Variants in ANKRD27 observed in about 807,000 individuals in gnomAD.
The protein encoded by ANKRD27 is ankyrin repeat domain 27, also known as ankyrin repeat domain-containing protein 27.
A neutral mutation model predicts 129.7 loss-of-function variants in ANKRD27; 112 were observed. The observed-to-expected ratio is 0.86, with a 90% CI of 0.74 to 1.01. The LOEUF (loss-of-function observed/expected upper bound fraction) is 1.01, where lower values mean the gene tolerates loss of function less well. Ranked by LOEUF, ANKRD27 falls within the 50% of genes least tolerant of loss-of-function variation. ANKRD27 has a pLI of 0.00. For missense variants in ANKRD27, 1,258 were observed against 1,300.5 expected, an observed-to-expected ratio of 0.97 and a Z score of 0.50; for synonymous variants, 516 against 511.2, an observed-to-expected ratio of 1.01 and a Z score of -0.13.
chr19:32,605,816 G>A lies in ANKRD27; in HGVS notation c.2493+19C>T. On this transcript the variant is annotated intron_variant, in intron 24 of 28. Coordinates refer to ENST00000306065, the MANE Select transcript of ANKRD27 (RefSeq NM_032139.3). ...AACTGGCGCAGGTGTGTAGAATGAG[G>A]ACAGGAAGGGGCCCTCACCTGTAGC... 1 of 1,612,280 alleles carries A rather than the reference G, an allele frequency of 6.2e-7. No individual in the cohort carries two copies. The highest frequency in any genetic ancestry group is 2.2e-5 in the East Asian group (1 of 44,772).
At chr19:32,664,013 G>A (rs1479973990) in intron 1 of ANKRD27, among the ~76,000 whole-genome samples, 3 of 125,164 alleles carry the variant, frequency 2.4e-5, no homozygotes, top group East Asian at 2.4e-4. Context: ...CCGAGATCCC[G>A]CCACTGCACT....
chr19:32,615,991 T>C (rs1190719548), intron 21 of ANKRD27, among the ~76,000 whole-genome samples: 1 of 152,128 alleles, frequency 6.6e-6, no homozygotes, highest in Non-Finnish European at 1.5e-5. Flanking sequence ...TCTTCTATCA[T>C]AAAAAAGGAC....
intron 22 of ANKRD27, 40 bp from the exon 23 acceptor site, chr19:32,607,872 A>G (rs755347740): frequency 6.4e-7 from 1 of 1,563,256 alleles, no homozygotes; most frequent in Non-Finnish European, 8.7e-7. Context: ...CGTCATCAGT[A>G]TTGAAGAAAC....
rs200198013 is a variant in ANKRD27, at chr19:32,605,616, G to A, written c.2493+219C>T. On this transcript the variant is annotated intron_variant, in intron 24 of 28. Coordinates refer to ENST00000306065, the MANE Select transcript of ANKRD27 (RefSeq NM_032139.3). ...GACCCAAACCCTTGGCAAAAGCAGC[G>A]TCGGAGCCCTTGAGACCGCATCCCA... 8.5e-5 allele frequency among the ~76,000 whole-genome samples: 13 copies of A among 152,272 alleles called. No individual in the cohort carries two copies. In the East Asian group the frequency reaches 1.4e-3, roughly 16 times the overall value.
At chr19:32,649,042 C>G (rs1967359618) in intron 3 of ANKRD27, among the ~76,000 whole-genome samples, 1 of 149,044 alleles carries the variant, frequency 6.7e-6, no homozygotes, top group South Asian at 2.1e-4. Flanking sequence ...TCATGGCTTA[C>G]TGCAAGCTCA....
intron 1 of ANKRD27, among the ~76,000 whole-genome samples, chr19:32,670,733 C>G (rs188539222): frequency 1.3e-5 from 2 of 149,984 alleles, no homozygotes; most frequent in African/African-American, 4.9e-5. Context: ...GTGGCTAGCA[C>G]CTGTAATCCC....
intron 2 of ANKRD27, among the ~76,000 whole-genome samples, chr19:32,650,503 A>G (rs1286525114): frequency 6.6e-6 from 1 of 152,142 alleles, no homozygotes; most frequent in Non-Finnish European, 1.5e-5. Flanking sequence ...CCTGGTCAAC[A>G]TGGTGAAACT....
chr19:32,671,509 C>G (rs542107556), intron 1 of ANKRD27, among the ~76,000 whole-genome samples: 1 of 152,154 alleles, frequency 6.6e-6, no homozygotes, highest in South Asian at 2.1e-4. Flanking sequence ...ACCAGCCTGG[C>G]CAACATGGTA....
intron 3 of ANKRD27, 90 bp downstream of exon 3, chr19:32,649,592 T>C (rs1967371967): frequency 2.3e-6 from 2 of 882,938 alleles, no homozygotes; most frequent in Non-Finnish European, 3.8e-6. Flanking sequence ...TGCCAGTAGC[T>C]GTGAAAGGCT....
chr19:32,636,499 G>A (rs1399556928), intron 12 of ANKRD27: 1 of 123,154 alleles, frequency 8.1e-6, no homozygotes, highest in Non-Finnish European at 1.5e-5. Flanking sequence ...TGGCTCACAT[G>A]CCTCAAAAAA....
chr19:32,633,738 T>C (rs923912396), intron 12 of ANKRD27, among the ~76,000 whole-genome samples: 8 of 152,090 alleles, frequency 5.3e-5, no homozygotes, highest in East Asian at 1.9e-4. Flanking sequence ...TTAAAGAATG[T>C]TGAGCAGGTG....
intron 2 of ANKRD27, among the ~76,000 whole-genome samples, chr19:32,651,410 C>G (rs777142888): frequency 6.6e-6 from 1 of 152,066 alleles, no homozygotes; most frequent in Non-Finnish European, 1.5e-5. Context: ...CGCTCTGTTG[C>G]CCAGGCTGGA....
intron 2 of ANKRD27, among the ~76,000 whole-genome samples, chr19:32,656,854 T>C (rs986768185): frequency 1.3e-5 from 2 of 151,988 alleles, no homozygotes; most frequent in Admixed American, 6.6e-5. Context: ...TCAAGCAAAG[T>C]ATCTTGTATA....
At position 32,646,321 on chromosome 19, in the gene ANKRD27, G is replaced by C. The variant is rs571486716; in HGVS notation, c.370+138C>G. On this transcript the variant is annotated intron_variant, in intron 4 of 28. Transcript: ENST00000306065. ...TGGCCTCAAGTGATCCTTGTGCCTC[G>C]GCCTCCCAAAGTGCAGGGATTACAG... 4.1e-6 allele frequency: 3 copies of C among 725,094 alleles called. No homozygotes were observed. The East Asian group carries it at 8.4e-5, about 20-fold the overall frequency. 44.9% of individuals were successfully genotyped at this position (725,094 alleles called of 1,614,324 possible). A position where few individuals can be genotyped will look rare whatever the true frequency, so the allele number is the denominator to read the frequency against.
At chr19:32,610,500 AAAAAG>A (rs1971819101) in intron 22 of ANKRD27, among the ~76,000 whole-genome samples, 1 of 151,366 alleles carries the variant, frequency 6.6e-6, no homozygotes. Context: ...AAAAAAAAAA[AAAAAG>A]TTTAGGCCAA....
rs1023207632 is a variant in ANKRD27 at position 32,608,818 on chromosome 19, G to A, written c.2176-986C>T. ...AATACAAAAATTACCCAGGTGTGGCGGCACCTGCCTGTAATCCCAGCTACA... is the reference window on the plus strand; with the variant it reads ...AATACAAAAATTACCCAGGTGTGGCAGCACCTGCCTGTAATCCCAGCTACA... On this transcript the variant is annotated intron_variant, in intron 22 of 28. Transcript: ENST00000306065. Among the ~76,000 whole-genome samples the A allele has an allele frequency of 7.9e-5, 12 of 151,968 alleles. No individual in the cohort carries two copies. In the East Asian group the frequency reaches 9.8e-4, roughly 12 times the overall value.
At chr19:32,665,081 G>A (rs1007650173) in intron 1 of ANKRD27, among the ~76,000 whole-genome samples, 2 of 151,976 alleles carry the variant, frequency 1.3e-5, no homozygotes, top group Non-Finnish European at 2.9e-5. Context: ...ACACTGGACA[G>A]GGCAGGGAGA....
intron 22 of ANKRD27, among the ~76,000 whole-genome samples, chr19:32,613,376 T>C (rs1971861649): frequency 6.6e-6 from 1 of 152,166 alleles, no homozygotes; most frequent in Non-Finnish European, 1.5e-5. Context: ...CAGTTCCTTA[T>C]AAAAATGAAC....
At chr19:32,616,710 C>T (rs1971926073) in intron 21 of ANKRD27, among the ~76,000 whole-genome samples, 1 of 152,078 alleles carries the variant, frequency 6.6e-6, no homozygotes. Flanking sequence ...TCCTTCAAGC[C>T]ACGACATTCT....
Sources: allele counts gnomAD v4.1 joint callset (sites outside exome capture counted in the v4.1 genomes callset), GRCh38; gene constraint gnomAD v4.1.1; transcripts MANE v1.5; gene names NCBI Gene and HGNC (gene_info 2026-07-23, HGNC 2026-07-21).